GPHN: variants seen among roughly 807,000 people sequenced by gnomAD.
GPHN encodes gephyrin.
Under a neutral mutation model 95.5 loss-of-function variants are expected in GPHN, and 17 were observed. The observed-to-expected ratio is 0.18, with a 90% CI of 0.12 to 0.27. The LOEUF (loss-of-function observed/expected upper bound fraction) is 0.27, where lower values mean the gene tolerates loss of function less well. GPHN is among the 10% of genes least tolerant of loss of function. The pLI, the probability that GPHN is intolerant of heterozygous loss-of-function variation, is 1.00. For missense variants in GPHN, 660 were observed against 978.1 expected (o/e 0.67, Z 4.34); for synonymous variants, 320 against 322.5 (o/e 0.99, Z 0.08).
At chr14:67,308,691 AC>A in the GPHN span, among the ~76,000 whole-genome samples, 1 of 151,612 alleles carries the variant, frequency 6.6e-6, no homozygotes, top group Non-Finnish European at 1.5e-5. Flanking sequence ...GATTACAGCT[AC>A]CCTGTACCGT....
In GPHN at chr14:66,640,791, A is replaced by C. The variant is rs571714763; in HGVS notation, c.65-40316A>C. On this transcript the variant is annotated intron_variant, in intron 1 of 22. Coordinates refer to ENST00000478722, the MANE Select transcript of GPHN (RefSeq NM_020806.5). ...TCTGCTTAGAGCAATGAGAAAATCA[A>C]GATAAAATATACATGTAACCATTCT... 1.7e-4 allele frequency among the ~76,000 whole-genome samples: 26 copies of C among 152,328 alleles called. No homozygotes were observed. In the East Asian group the frequency reaches 4.8e-3, roughly 28 times the overall value.
intron 4 of GPHN, among the ~76,000 whole-genome samples, chr14:66,839,670 C>G (rs544247939): frequency 1.3e-5 from 2 of 152,214 alleles, no homozygotes; most frequent in African/African-American, 4.8e-5. Flanking sequence ...ATTGTATAGG[C>G]AAACCCATTA....
intron 2 of GPHN, among the ~76,000 whole-genome samples, chr14:66,765,917 G>GATT (rs1290943703): frequency 6.6e-6 from 1 of 152,144 alleles, no homozygotes; most frequent in East Asian, 1.9e-4. Flanking sequence ...TTCAGGAATT[G>GATT]ATTAAATAGA....
At chr14:66,846,713 A>G (rs1479060614) in intron 4 of GPHN, among the ~76,000 whole-genome samples, 2 of 152,120 alleles carry the variant, frequency 1.3e-5, no homozygotes, top group African/African-American at 4.8e-5. Flanking sequence ...CAGGTTAGTG[A>G]TTTCATTGGT....
chr14:67,605,498 A>G, the GPHN span, among the ~76,000 whole-genome samples: 1 of 152,152 alleles, frequency 6.6e-6, no homozygotes, highest in East Asian at 1.9e-4. Context: ...CTGGGCTTAC[A>G]GGCATGAGCT....
At chr14:67,364,656 A>G in the GPHN span, 1 of 1,114,554 alleles carries the variant, frequency 9.0e-7, no homozygotes, top group Non-Finnish European at 1.2e-6. Flanking sequence ...ACTAAGACTA[A>G]TAACTATTTT....
chr14:66,539,650 A>G (rs899818197), intron 1 of GPHN, among the ~76,000 whole-genome samples: 2 of 151,040 alleles, frequency 1.3e-5, no homozygotes, highest in Non-Finnish European at 3.0e-5. Flanking sequence ...CGAACTCCTG[A>G]CCTCAGGTGA....
intron 17 of GPHN, among the ~76,000 whole-genome samples, chr14:67,137,443 C>T (rs1227103439): frequency 6.6e-6 from 1 of 151,882 alleles, no homozygotes; most frequent in Non-Finnish European, 1.5e-5. Context: ...CCACGCCTGG[C>T]TGACTCTGTC....
the GPHN span, among the ~76,000 whole-genome samples, chr14:67,244,839 G>A: frequency 6.6e-6 from 1 of 152,194 alleles, no homozygotes; most frequent in African/African-American, 2.4e-5. Context: ...TTGCTTAAGT[G>A]GCAAAGGCTT....
At position 66,795,797 on chromosome 14, in the gene GPHN, T is replaced by C. The variant is rs564439802; in HGVS notation, c.201+19276T>C. Among the ~76,000 whole-genome samples the C allele has an allele frequency of 3.2e-4, 48 of 152,216 alleles. 1 individual carries two copies. The South Asian group carries it at 9.3e-3, about 30-fold the overall frequency. On this transcript the variant is annotated intron_variant, in intron 3 of 22. Transcript: ENST00000478722. The stretch of plus-strand genomic sequence containing the variant: ...TAATAGTCACATCATGGAAATGGGG[T>C]ATCAATCCCCTCAAGCATTAATCCT...
intron 1 of GPHN, among the ~76,000 whole-genome samples, chr14:66,591,421 C>T (rs1761032151): frequency 6.6e-6 from 1 of 152,152 alleles, no homozygotes; most frequent in South Asian, 2.1e-4. Flanking sequence ...CGTCTCAGCC[C>T]AAAATCTCCT....
At chr14:66,767,894 A>G (rs1233824992) in intron 2 of GPHN, among the ~76,000 whole-genome samples, 2 of 152,008 alleles carry the variant, frequency 1.3e-5, no homozygotes, top group African/African-American at 4.8e-5. Context: ...TAAACAGACT[A>G]AAGAAGAGAA....
At chr14:67,623,605 G>A in the GPHN span, among the ~76,000 whole-genome samples, 48 of 132,970 alleles carry the variant, frequency 3.6e-4, no homozygotes, top group African/African-American at 1.4e-3. Flanking sequence ...ACAGTGATGC[G>A]ATCTTGGCTC....
chr14:67,665,084 C>G, the GPHN span, among the ~76,000 whole-genome samples: 1 of 152,270 alleles, frequency 6.6e-6, no homozygotes, highest in East Asian at 1.9e-4. Context: ...CCAGGCTGGC[C>G]TTGTGTGGTC....
chr14:67,045,478 T>G (rs1291604341), intron 10 of GPHN, among the ~76,000 whole-genome samples: 1 of 151,664 alleles, frequency 6.6e-6, no homozygotes, highest in African/African-American at 2.4e-5. Flanking sequence ...TGTTTCTCTG[T>G]CTCTCTGTGT....
intron 8 of GPHN, among the ~76,000 whole-genome samples, chr14:66,945,986 G>C (rs957822069): frequency 5.8e-4 from 88 of 151,928 alleles, no homozygotes; most frequent in African/African-American, 2.1e-3. Context: ...TGGGCCTGTG[G>C]ACTTTGTAGA....
the GPHN span, chr14:67,659,763 A>AT: frequency 4.3e-6 from 7 of 1,613,416 alleles, no homozygotes; most frequent in Non-Finnish European, 5.9e-6. Context: ...TATATGCCAT[A>AT]TTTCATGTCT....
chr14:67,352,341 T>C, the GPHN span, among the ~76,000 whole-genome samples: 1 of 150,458 alleles, frequency 6.6e-6, no homozygotes, highest in African/African-American at 2.4e-5. Context: ...AATGGTAGCA[T>C]GCACCTGTAG....
At chr14:66,997,593 ATG>A in intron 9 of GPHN, among the ~76,000 whole-genome samples, 1 of 152,230 alleles carries the variant, frequency 6.6e-6, no homozygotes, top group Non-Finnish European at 1.5e-5. Context: ...GAGGTAGTAT[ATG>A]CAGAACCAGA....
Sources: allele counts gnomAD v4.1 joint callset (sites outside exome capture counted in the v4.1 genomes callset), GRCh38; gene constraint gnomAD v4.1.1; transcripts MANE v1.5; gene names NCBI Gene and HGNC (gene_info 2026-07-23, HGNC 2026-07-21).